PIWIL4: variants seen among roughly 807,000 people sequenced by gnomAD.
The protein encoded by PIWIL4 is piwi like RNA-mediated gene silencing 4.
PIWIL4 carries 50 observed loss-of-function variants against 100.9 expected under a neutral mutation model. The observed-to-expected ratio is 0.50, with a 90% CI of 0.39 to 0.63. PIWIL4 has a LOEUF of 0.63. PIWIL4 is among the 20% of genes least tolerant of loss of function. PIWIL4 has a pLI of 0.00. For synonymous variants in PIWIL4, 342 were observed against 367.5 expected, an observed-to-expected ratio of 0.93 and a Z score of 0.79; for missense variants, 887 against 1,043.3, an observed-to-expected ratio of 0.85 and a Z score of 2.06.
chr11:94,583,557 T>A lies in PIWIL4; in HGVS notation c.623T>A (p.Ile208Asn). Residue 208 changes from isoleucine to asparagine, a missense_variant, in exon 5 of 20, where the codon ATC becomes AAC. By Grantham distance (149) the Ile-to-Asn change is moderately radical (BLOSUM62 -3). This residue lies in a region of PIWIL4 where 741 missense variants were observed against 930.0 expected (regional missense o/e 0.80). Transcript: ENST00000299001. ...SSPVCIQVFN[I>N]IFRKILKKLS... ...CCCGTGTGCATCCAGGTCTTCAATA[T>A]CATCTTCAGAAAGTAAGGCACTGGA... 1 of 1,614,010 alleles carries A rather than the reference T, an allele frequency of 6.2e-7. No individual in the cohort carries two copies. The highest frequency in any genetic ancestry group is 1.1e-5 in the South Asian group (1 of 91,080).
chr11:94,570,367 G>A (rs547736094), intron 2 of PIWIL4, among the ~76,000 whole-genome samples: 13 of 151,746 alleles, frequency 8.6e-5, no homozygotes, highest in Non-Finnish European at 1.5e-4. Context: ...ATCCAAGGCC[G>A]TCTTCTCCTT....
chr11:94,603,774 T>C (rs1948678112), intron 12 of PIWIL4, among the ~76,000 whole-genome samples: 1 of 152,206 alleles, frequency 6.6e-6, no homozygotes, highest in South Asian at 2.1e-4. Flanking sequence ...ACCAAACCAT[T>C]TTTTACACTG....
chr11:94,610,071 T>G (rs1262310684), intron 15 of PIWIL4, among the ~76,000 whole-genome samples: 1 of 152,160 alleles, frequency 6.6e-6, no homozygotes, highest in Non-Finnish European at 1.5e-5. Flanking sequence ...TCTTCTACTC[T>G]CTGTTTCTAT....
chr11:94,593,369 C>A, intron 8 of PIWIL4, 149 bp from the exon 9 acceptor site: 1 of 649,664 alleles, frequency 1.5e-6, no homozygotes, highest in Non-Finnish European at 2.4e-6. Context: ...AAGATAGGTC[C>A]TGGGAAGAAA....
At chr11:94,617,284 A>C (rs1948857663) in intron 16 of PIWIL4, among the ~76,000 whole-genome samples, 1 of 152,246 alleles carries the variant, frequency 6.6e-6, no homozygotes, top group South Asian at 2.1e-4. Context: ...CAATATATAC[A>C]TGAAAATAAT....
intron 3 of PIWIL4, among the ~76,000 whole-genome samples, chr11:94,576,577 C>T (rs1948240583): frequency 6.6e-6 from 1 of 152,144 alleles, no homozygotes; most frequent in Admixed American, 6.5e-5. Flanking sequence ...TCGTGGCCAT[C>T]TCTGATTTTG....
intron 1 of PIWIL4, 26 bp downstream of exon 1, chr11:94,567,631 G>C (rs1948093770): frequency 6.4e-7 from 1 of 1,562,810 alleles, no homozygotes; most frequent in South Asian, 1.2e-5. Context: ...ATTGCGCATG[G>C]TTTCGTTTTC....
At chr11:94,601,769 C>T (rs955166763) in intron 11 of PIWIL4, 26 bp from the exon 12 acceptor site, 1 of 1,607,890 alleles carries the variant, frequency 6.2e-7, no homozygotes. Context: ...TTTGTTCAAT[C>T]CTTTCATGAT....
intron 14 of PIWIL4, among the ~76,000 whole-genome samples, chr11:94,607,957 C>T (rs904558033): frequency 1.3e-5 from 2 of 152,144 alleles, no homozygotes; most frequent in Non-Finnish European, 2.9e-5. Context: ...TAGCCTTGCA[C>T]CCTGGATGGG....
intron 11 of PIWIL4, among the ~76,000 whole-genome samples, chr11:94,600,993 C>T (rs182750351): frequency 6.6e-6 from 1 of 151,490 alleles, no homozygotes; most frequent in East Asian, 1.9e-4. Context: ...GCCCAGATTT[C>T]ATATTGTTCA....
chr11:94,572,883 A>G (rs186552181), intron 2 of PIWIL4, among the ~76,000 whole-genome samples: 37 of 152,318 alleles, frequency 2.4e-4, no homozygotes, highest in African/African-American at 8.9e-4. Context: ...TTTGGGCAGT[A>G]TGGCCGTTTT....
intron 6 of PIWIL4, among the ~76,000 whole-genome samples, 167 bp downstream of exon 6, chr11:94,585,692 C>T (rs890404591): frequency 7.2e-5 from 11 of 152,038 alleles, no homozygotes; most frequent in Admixed American, 2.0e-4. Flanking sequence ...TTCATGTGAA[C>T]GTGAAGCTAG....
At chr11:94,581,715 A>G (rs1256689787) in intron 4 of PIWIL4, among the ~76,000 whole-genome samples, 1 of 152,188 alleles carries the variant, frequency 6.6e-6, no homozygotes, top group African/African-American at 2.4e-5. Context: ...AAAGAGATAC[A>G]AAGTGCTGCT....
chr11:94,594,639 T>G (rs1268122096), intron 9 of PIWIL4, among the ~76,000 whole-genome samples: 1 of 151,866 alleles, frequency 6.6e-6, no homozygotes. Context: ...TTCAAGCGAT[T>G]TTCCTGCCTC....
chr11:94,576,734 C>T (rs2135242637), intron 3 of PIWIL4, among the ~76,000 whole-genome samples: 1 of 152,322 alleles, frequency 6.6e-6, no homozygotes, highest in Non-Finnish European at 1.5e-5. Flanking sequence ...TCCTTCCTCT[C>T]TCCGCAGCCT....
intron 2 of PIWIL4, among the ~76,000 whole-genome samples, chr11:94,569,075 T>G (rs1487208031): frequency 6.6e-6 from 1 of 152,228 alleles, no homozygotes; most frequent in Non-Finnish European, 1.5e-5. Context: ...GAAAAAATGC[T>G]TTAAAAATCT....
intron 8 of PIWIL4, among the ~76,000 whole-genome samples, chr11:94,591,883 T>G (rs970891439): frequency 4.6e-5 from 7 of 152,204 alleles, no homozygotes; most frequent in Non-Finnish European, 8.8e-5. Context: ...TTTCAAATGC[T>G]AAGAAAATTG....
chr11:94,600,553 C>T (rs1231051168), intron 11 of PIWIL4, among the ~76,000 whole-genome samples: 4 of 152,086 alleles, frequency 2.6e-5, no homozygotes, highest in East Asian at 1.9e-4. Context: ...GGAGGCAGGG[C>T]GGGATCACAG....
In PIWIL4 at chr11:94,621,280, C is replaced by A; in HGVS notation, c.*288C>A. 1 of 303,718 alleles carries A rather than the reference C, an allele frequency of 3.3e-6. No homozygotes were observed. Among genetic ancestry groups the A allele is most frequent in the Non-Finnish European group, 6.1e-6 (1 of 162,912 alleles). 18.8% of individuals were successfully genotyped at this position (303,718 alleles called of 1,614,324 possible). A position where few individuals can be genotyped will look rare whatever the true frequency, so the allele number is the denominator to read the frequency against. ...AGAGTTAAATATCTTAAGTTAAACACTTAAAATAAGTGTTTGCGTGATATT... is the reference window on the plus strand; with the variant it reads ...AGAGTTAAATATCTTAAGTTAAACAATTAAAATAAGTGTTTGCGTGATATT... On this transcript the variant is annotated 3_prime_UTR_variant, in exon 20 of 20. Coordinates refer to ENST00000299001, the MANE Select transcript of PIWIL4 (RefSeq NM_152431.3).
Sources: allele counts gnomAD v4.1 joint callset (sites outside exome capture counted in the v4.1 genomes callset), GRCh38; gene constraint gnomAD v4.1.1; regional missense constraint gnomAD v4.1.1; transcripts MANE v1.5; gene names NCBI Gene and HGNC (gene_info 2026-07-23, HGNC 2026-07-21).